Variants in AK4 observed in about 807,000 individuals in gnomAD.
The protein encoded by AK4 is adenylate kinase 4, also known as adenylate kinase 4, mitochondrial.
In AK4, 13 loss-of-function variants were observed where a neutral mutation model predicts 24.6. The ratio of observed to expected loss-of-function variants is 0.53; its 90% CI spans 0.34 to 0.84. The LOEUF (loss-of-function observed/expected upper bound fraction) is 0.84. AK4 is among the 40% of genes least tolerant of loss of function. The pLI is 0.01. For missense variants in AK4, 192 were observed against 288.2 expected (o/e 0.67, Z 2.42); for synonymous variants, 88 against 107.0 (o/e 0.82, Z 1.10).
At chr1:65,199,278 G>A (rs940083682) in intron 2 of AK4, among the ~76,000 whole-genome samples, 2 of 151,986 alleles carry the variant, frequency 1.3e-5, no homozygotes, top group Non-Finnish European at 2.9e-5. Flanking sequence ...GGCTGGGTGC[G>A]GTGGCTCACG....
intron 1 of AK4, among the ~76,000 whole-genome samples, chr1:65,174,038 G>T (rs550504098): frequency 2.9e-4 from 44 of 152,194 alleles, no homozygotes; most frequent in South Asian, 1.5e-3. Flanking sequence ...CCTGGCTTAG[G>T]TTCAGCTCAC....
intron 4 of AK4, among the ~76,000 whole-genome samples, chr1:65,225,209 A>G (rs767087448): frequency 2.0e-5 from 3 of 152,190 alleles, no homozygotes; most frequent in East Asian, 1.9e-4. Flanking sequence ...ATATAAATAT[A>G]TGGTTTGGAT....
chr1:65,150,285 C>CTTT (rs71703627), intron 1 of AK4, among the ~76,000 whole-genome samples: 1,471 of 140,868 alleles, frequency 0.01, 23 homozygotes, highest in East Asian at 0.062. Flanking sequence ...CTCTCTCTCT[C>CTTT]TTTTTTTTTT....
intron 1 of AK4, among the ~76,000 whole-genome samples, chr1:65,165,323 A>G (rs1650292838): frequency 6.6e-6 from 1 of 152,178 alleles, no homozygotes; most frequent in Non-Finnish European, 1.5e-5. Flanking sequence ...TAGCAGGTGG[A>G]AACATGTGAA....
chr1:65,222,966 G>A (rs1652341203), intron 3 of AK4, among the ~76,000 whole-genome samples: 2 of 151,926 alleles, frequency 1.3e-5, no homozygotes, highest in Non-Finnish European at 2.9e-5. Flanking sequence ...GATTCCTGGG[G>A]AGATTAAAAC....
At chr1:65,179,770 G>A (rs546481386) in intron 1 of AK4, among the ~76,000 whole-genome samples, 1 of 152,238 alleles carries the variant, frequency 6.6e-6, no homozygotes, top group African/African-American at 2.4e-5. Flanking sequence ...GGGAGGTCAA[G>A]TGTGCAGTGA....
intron 2 of AK4, among the ~76,000 whole-genome samples, chr1:65,213,307 GAGTC>G (rs551547369): frequency 1.0e-3 from 152 of 152,300 alleles, no homozygotes; most frequent in African/African-American, 3.0e-3. Context: ...TACTATTAAA[GAGTC>G]AGGTAGGTGA....
Position 65,148,397 on chromosome 1 carries a change from T to G in AK4, c.-11T>G, listed in dbSNP as rs2100969445. The G allele has an allele frequency of 6.5e-7, 1 of 1,529,624 alleles. No homozygotes were observed. Among genetic ancestry groups the G allele is most frequent in the Middle Eastern group, 2.4e-4 (1 of 4,180 alleles). The allele number at this position is 1,529,624 out of a possible 1,614,324, so 94.8% of individuals were successfully genotyped here. A position where few individuals can be genotyped will look rare whatever the true frequency, so the allele number is the denominator to read the frequency against. On this transcript the variant is annotated 5_prime_UTR_variant, in exon 1 of 5. Coordinates refer to ENST00000327299, the MANE Select transcript of AK4 (RefSeq NM_013410.4). ...GCTGCGCGTTTGACCGCCCCCCTCC[T>G]CGCGAAGGCAATGGCTTCCAAACTC...
At chr1:65,148,637 G>C (rs1172399666) in intron 1 of AK4, 85 bp downstream of exon 1, 6 of 1,426,662 alleles carry the variant, frequency 4.2e-6, no homozygotes, top group Non-Finnish European at 5.5e-6. Context: ...CCCGGATCAC[G>C]GCGCCCTTCC....
At chr1:65,202,098 T>A (rs942316846) in intron 2 of AK4, among the ~76,000 whole-genome samples, 20 of 152,140 alleles carry the variant, frequency 1.3e-4, no homozygotes, top group Admixed American at 9.8e-4. Context: ...CTTCCAACAT[T>A]TAAAAATTAA....
intron 1 of AK4, 107 bp downstream of exon 1, chr1:65,148,659 G>A: frequency 7.1e-7 from 1 of 1,416,530 alleles, no homozygotes; most frequent in Non-Finnish European, 9.3e-7. Flanking sequence ...CCGCCCGCGT[G>A]TGGTCGTGCA....
At chr1:65,158,199 GC>G (rs1399978357) in intron 1 of AK4, among the ~76,000 whole-genome samples, 1 of 152,042 alleles carries the variant, frequency 6.6e-6, no homozygotes, top group Non-Finnish European at 1.5e-5. Context: ...TTAAACTTCG[GC>G]TTTTAACTTC....
At chr1:65,148,785 G>A (rs1023287986) in intron 1 of AK4, among the ~76,000 whole-genome samples, 3 of 152,126 alleles carry the variant, frequency 2.0e-5, no homozygotes, top group Admixed American at 6.5e-5. Context: ...CCTCTCCACC[G>A]CTCCTCCTGT....
chr1:65,148,536 C>T lies in AK4; in HGVS notation c.129C>T (p.Asn43=). The T allele has an allele frequency of 1.9e-6, 3 of 1,600,552 alleles. No individual in the cohort carries two copies. Among genetic ancestry groups the T allele is most frequent in the African/African-American group, 1.3e-5 (1 of 74,818 alleles). The change falls in exon 1 of 5, where the codon AAC becomes AAT. Residue 43 remains asparagine (N), a synonymous_variant. Transcript: ENST00000327299. Reference sequence around the variant, plus strand: ...CCAGCGGCCACTTCTTGCGGGAGAACATCAAGGCCAGCACCGGTGAGGGGC... The same window carrying T: ...CCAGCGGCCACTTCTTGCGGGAGAATATCAAGGCCAGCACCGGTGAGGGGC... ...HLSSGHFLRE[N]IKASTEVGEM...
At chr1:65,159,482 C>A (rs986238351) in intron 1 of AK4, among the ~76,000 whole-genome samples, 2 of 151,730 alleles carry the variant, frequency 1.3e-5, no homozygotes, top group Non-Finnish European at 2.9e-5. Context: ...CATGGCAAGA[C>A]CCTGTCTCTA....
intron 1 of AK4, among the ~76,000 whole-genome samples, chr1:65,181,521 G>A (rs1650907508): frequency 6.6e-6 from 1 of 151,874 alleles, no homozygotes; most frequent in Admixed American, 6.6e-5. Context: ...CAAGTAGCTG[G>A]GACTACAGGC....
intron 1 of AK4, among the ~76,000 whole-genome samples, chr1:65,173,345 C>T (rs1650602559): frequency 6.6e-6 from 1 of 152,166 alleles, no homozygotes. Context: ...AGCAGATCAG[C>T]TGTCCCTGTC....
At chr1:65,159,307 A>G (rs1167090058) in intron 1 of AK4, among the ~76,000 whole-genome samples, 1 of 152,226 alleles carries the variant, frequency 6.6e-6, no homozygotes. Context: ...AGATCTCCAG[A>G]GCAGTTTTTG....
intron 1 of AK4, among the ~76,000 whole-genome samples, chr1:65,182,385 G>C (rs1650940031): frequency 6.6e-6 from 1 of 152,138 alleles, no homozygotes; most frequent in Admixed American, 6.5e-5. Flanking sequence ...TGAAACAGGA[G>C]TAGCTCTCTC....
Sources: allele counts gnomAD v4.1 joint callset (sites outside exome capture counted in the v4.1 genomes callset), GRCh38; gene constraint gnomAD v4.1.1; transcripts MANE v1.5; gene names NCBI Gene and HGNC (gene_info 2026-07-23, HGNC 2026-07-21).